Variants in SPAG16 observed in about 807,000 individuals in gnomAD.
SPAG16 encodes sperm associated antigen 16.
Under a neutral mutation model 80.4 loss-of-function variants are expected in SPAG16, and 86 were observed. That is an observed-to-expected ratio of 1.07 (90% CI 0.90 to 1.28). SPAG16 has a LOEUF of 1.28. Ranked by LOEUF, SPAG16 falls within the 50% of genes most tolerant of loss-of-function variation. The pLI is 0.00. For missense variants in SPAG16, 870 were observed against 765.3 expected, an observed-to-expected ratio of 1.14 and a Z score of -1.61; for synonymous variants, 294 against 265.9, an observed-to-expected ratio of 1.11 and a Z score of -1.03.
At chr2:213,825,701 CTTTTTTTTT>C (rs55777958) in intron 10 of SPAG16, among the ~76,000 whole-genome samples, 2 of 109,798 alleles carry the variant, frequency 1.8e-5, no homozygotes, top group African/African-American at 3.8e-5. Flanking sequence ...TTCTTTCTTT[CTTTTTTTTT>C]TTTTTTTTTT....
intron 13 of SPAG16, among the ~76,000 whole-genome samples, chr2:214,106,807 T>C (rs1220945772): frequency 6.6e-6 from 1 of 152,138 alleles, no homozygotes; most frequent in Admixed American, 6.6e-5. Context: ...ACTGACTTCT[T>C]TCCAGCCACA....
At chr2:213,372,656 CA>C (rs1469532292) in intron 8 of SPAG16, among the ~76,000 whole-genome samples, 1 of 151,974 alleles carries the variant, frequency 6.6e-6, no homozygotes, top group East Asian at 1.9e-4. Flanking sequence ...TAGATCTAAC[CA>C]ATCTCCTCAT....
At chr2:214,113,545 TCTC>T (rs1386933358) in intron 14 of SPAG16, among the ~76,000 whole-genome samples, 1 of 152,178 alleles carries the variant, frequency 6.6e-6, no homozygotes, top group Non-Finnish European at 1.5e-5. Flanking sequence ...TCTCTAAACT[TCTC>T]TTCTTGCTTT....
intron 10 of SPAG16, among the ~76,000 whole-genome samples, chr2:213,613,508 A>G (rs548579144): frequency 2.0e-5 from 3 of 152,268 alleles, no homozygotes; most frequent in African/African-American, 7.2e-5. Flanking sequence ...TGCCACCTGG[A>G]ATAATCTTCC....
chr2:214,144,716 T>C (rs12468018), intron 14 of SPAG16, among the ~76,000 whole-genome samples: 3,881 of 152,168 alleles, frequency 0.026, 158 homozygotes, highest in East Asian at 0.18. Context: ...GGAAACAATG[T>C]CCTGGGCCTA....
chr2:213,607,913 C>G (rs2061319399), intron 10 of SPAG16, among the ~76,000 whole-genome samples: 1 of 152,178 alleles, frequency 6.6e-6, no homozygotes, highest in Admixed American at 6.5e-5. Context: ...AGAACCTTCC[C>G]TACTTGTTTA....
At chr2:213,768,418 G>C (rs906715579) in intron 10 of SPAG16, among the ~76,000 whole-genome samples, 1 of 152,178 alleles carries the variant, frequency 6.6e-6, no homozygotes, top group African/African-American at 2.4e-5. Context: ...TGAAAGCTCT[G>C]TTGTGAATTC....
intron 10 of SPAG16, among the ~76,000 whole-genome samples, chr2:213,565,189 T>C (rs1304852179): frequency 2.0e-5 from 3 of 152,208 alleles, no homozygotes; most frequent in Non-Finnish European, 4.4e-5. Context: ...TTCAGTTTTC[T>C]TTTCTGTTCC....
At chr2:213,420,951 G>T (rs1362529399) in intron 9 of SPAG16, among the ~76,000 whole-genome samples, 2 of 152,230 alleles carry the variant, frequency 1.3e-5, no homozygotes, top group Non-Finnish European at 2.9e-5. Context: ...AGTGGCTGCT[G>T]TGAAGACAAT....
intron 10 of SPAG16, among the ~76,000 whole-genome samples, chr2:213,495,930 C>G (rs2074461519): frequency 6.6e-6 from 1 of 152,078 alleles, no homozygotes; most frequent in Non-Finnish European, 1.5e-5. Flanking sequence ...AAGTTATGTA[C>G]TTGGGGATCA....
At chr2:213,923,062 C>T (rs1483490495) in intron 11 of SPAG16, among the ~76,000 whole-genome samples, 2 of 152,074 alleles carry the variant, frequency 1.3e-5, no homozygotes, top group Non-Finnish European at 2.9e-5. Flanking sequence ...AGTGGAGTTG[C>T]CTACCCTGAC....
At chr2:213,755,544 GAA>G (rs1361997030) in intron 10 of SPAG16, among the ~76,000 whole-genome samples, 1 of 152,044 alleles carries the variant, frequency 6.6e-6, no homozygotes, top group Non-Finnish European at 1.5e-5. Context: ...CTTTTTTTGT[GAA>G]AGATAAACTA....
intron 7 of SPAG16, among the ~76,000 whole-genome samples, chr2:213,362,710 A>C (rs2066052119): frequency 6.6e-6 from 1 of 152,236 alleles, no homozygotes. Flanking sequence ...ATGCTCCCCA[A>C]AATTGTCAAG....
intron 11 of SPAG16, among the ~76,000 whole-genome samples, chr2:213,864,674 C>CT (rs750790861): frequency 5.3e-5 from 8 of 151,406 alleles, no homozygotes; most frequent in Non-Finnish European, 8.8e-5. Flanking sequence ...AATATTTTCT[C>CT]TAACTGTTAG....
chr2:214,200,164 C>A (rs1023311932), intron 15 of SPAG16, among the ~76,000 whole-genome samples: 1 of 152,004 alleles, frequency 6.6e-6, no homozygotes, highest in African/African-American at 2.4e-5. Context: ...TGTCTTGTTC[C>A]AGTTCTTGGG....
rs184346848 is a variant in SPAG16 at position 213,572,588 on chromosome 2, G to T, written c.1070+82498G>T. Among the ~76,000 whole-genome samples, 727 of 152,260 alleles carry T rather than the reference G, an allele frequency of 4.8e-3. 11 individuals are homozygous for T. The highest frequency in any genetic ancestry group is 0.035 in the South Asian group (170 of 4,830). The stretch of plus-strand genomic sequence containing the variant: ...CAGGGACCCACTTGAGGAGGCAGTC[G>T]GCGGGTTCTCAGATCTCCAGCTGCG... On this transcript the variant is annotated intron_variant, in intron 10 of 15. Coordinates refer to ENST00000331683, the MANE Select transcript of SPAG16 (RefSeq NM_024532.5).
In SPAG16 at chr2:213,498,273, C is replaced by T. The variant is rs551226913; in HGVS notation, c.1070+8183C>T. Among the ~76,000 whole-genome samples the T allele has an allele frequency of 5.3e-5, 8 of 152,144 alleles. No homozygotes were observed. The East Asian group carries it at 5.8e-4, about 11-fold the overall frequency. On this transcript the variant is annotated intron_variant, in intron 10 of 15. Transcript: ENST00000331683. ...TGAGGTGAAACCAATGTCTTTAGTCCGTGTTAAAGTCAATGCATGTGGAAT... is the reference window on the plus strand; with the variant it reads ...TGAGGTGAAACCAATGTCTTTAGTCTGTGTTAAAGTCAATGCATGTGGAAT...
intron 1 of SPAG16, among the ~76,000 whole-genome samples, chr2:213,289,197 C>G (rs953085472): frequency 1.3e-5 from 2 of 152,182 alleles, no homozygotes; most frequent in Non-Finnish European, 2.9e-5. Flanking sequence ...ATTGAAGTAG[C>G]AAGGCTGTAG....
chr2:213,882,647 T>A (rs1405647743), intron 11 of SPAG16, among the ~76,000 whole-genome samples: 1 of 152,216 alleles, frequency 6.6e-6, no homozygotes, highest in Admixed American at 6.5e-5. Flanking sequence ...TCAGTTGTAA[T>A]CTCATATTTG....
Sources: gnomAD v4.1 joint callset for allele counts (sites outside exome capture counted in the v4.1 genomes callset) on GRCh38, gnomAD v4.1.1 for gene constraint, MANE v1.5 for transcripts, NCBI Gene and HGNC (gene_info 2026-07-23, HGNC 2026-07-21) for gene names.